PRKAR1B: variants seen among roughly 807,000 people sequenced by gnomAD.
The protein encoded by PRKAR1B is protein kinase cAMP-dependent type I regulatory subunit beta.
PRKAR1B carries 22 observed loss-of-function variants against 46.5 expected under a neutral mutation model. The observed-to-expected ratio is 0.47, with a 90% CI of 0.34 to 0.68. PRKAR1B has a LOEUF of 0.68. PRKAR1B is among the 30% of genes least tolerant of loss of function. The pLI is 0.01. For missense variants in PRKAR1B, 445 were observed against 535.6 expected, an observed-to-expected ratio of 0.83 and a Z score of 1.67; for synonymous variants, 259 against 217.7, an observed-to-expected ratio of 1.19 and a Z score of -1.67.
intron 4 of PRKAR1B, chr7:607,826 A>G: frequency 4.7e-6 from 1 of 214,472 alleles, no homozygotes. Context: ...TACAACCAGC[A>G]ATCTTGATGA....
rs147235371 is a variant in PRKAR1B at position 653,121 on chromosome 7, A to G, written c.440+24108T>C. Among the ~76,000 whole-genome samples the G allele has an allele frequency of 2.1e-4, 32 of 152,260 alleles. No homozygotes were observed. The East Asian group carries it at 6.0e-3, about 28-fold the overall frequency. ...TGCTTCTCCAGCCTCTCCTGGCATC[A>G]CACTTGCTAATGTACCATTGGCCAA... On this transcript the variant is annotated intron_variant, in intron 4 of 10. Transcript: ENST00000537384.
chr7:591,403 C>G (rs1398952284), intron 7 of PRKAR1B, among the ~76,000 whole-genome samples: 1 of 152,196 alleles, frequency 6.6e-6, no homozygotes, highest in Admixed American at 6.5e-5. Context: ...AAGCCCACGG[C>G]ACGGGGAGGG....
At chr7:583,672 A>ACACT (rs549908119) in intron 8 of PRKAR1B, among the ~76,000 whole-genome samples, 8,901 of 134,072 alleles carry the variant, frequency 0.066, 899 homozygotes, top group African/African-American at 0.23. Context: ...ACACACCCAC[A>ACACT]CACAACCCAC....
At chr7:681,326 A>T (rs1363912585) in intron 2 of PRKAR1B, among the ~76,000 whole-genome samples, 1 of 150,844 alleles carries the variant, frequency 6.6e-6, no homozygotes, top group Non-Finnish European at 1.5e-5. Context: ...GTCTCTATAA[A>T]AAAAAAAAAA....
Position 607,442 on chromosome 7 carries a change from C to T in PRKAR1B, c.451G>A (p.Asp151Asn). ...ATGTGAGTGACAGGGAACATGGCAT[C>T]GAATATGTCACTGAAAAGCAAAACA... ...LDDNERSDIFDAMFPVTHIAG... is the reference protein window; with the variant it reads ...LDDNERSDIFNAMFPVTHIAG... Residue 151 changes from aspartate (D) to asparagine (N), a missense_variant, in exon 5 of 11, where the codon GAT becomes AAT. Around this residue, in one of 5 missense-constraint regions of PRKAR1B, gnomAD observed 94 missense variants for 126.9 expected, o/e 0.74. Coordinates refer to ENST00000537384, the MANE Select transcript of PRKAR1B (RefSeq NM_001164760.2). The T allele has an allele frequency of 1.2e-6, 2 of 1,613,884 alleles. No homozygotes were observed. The highest frequency in any genetic ancestry group is 2.2e-5 in the East Asian group (1 of 44,874).
In PRKAR1B at chr7:588,897, A is replaced by ATGG. The variant is rs1238037933; in HGVS notation, c.709-4332_709-4330dup. ...GGTGAGGATAGTGACAGTGGTGGTG[A>ATGG]TGGTGACGGTGGTGATGGTGATGGT... On this transcript the variant is annotated intron_variant, in intron 7 of 10. Coordinates refer to ENST00000537384, the MANE Select transcript of PRKAR1B (RefSeq NM_001164760.2). Among the ~76,000 whole-genome samples, 11 of 9,068 alleles carry ATGG rather than the reference A, an allele frequency of 1.2e-3. 4 individuals are homozygous for ATGG. Among genetic ancestry groups the ATGG allele is most frequent in the Non-Finnish European group, 1.1e-3 (6 of 5,330 alleles). The allele number at this position is 9,068 out of a possible 152,430, so 5.9% of individuals were successfully genotyped here.
At chr7:684,218 G>A (rs1330700621) in intron 2 of PRKAR1B, among the ~76,000 whole-genome samples, 2 of 152,130 alleles carry the variant, frequency 1.3e-5, no homozygotes, top group Non-Finnish European at 2.9e-5. Flanking sequence ...CTCTGCCTGT[G>A]CCAGCCAATT....
At chr7:649,523 A>G (rs1784788188) in intron 4 of PRKAR1B, among the ~76,000 whole-genome samples, 1 of 152,310 alleles carries the variant, frequency 6.6e-6, no homozygotes, top group Non-Finnish European at 1.5e-5. Flanking sequence ...TACATCATTT[A>G]GTGTGTTTTA....
chr7:726,570 C>T (rs1294987373), intron 1 of PRKAR1B: 3 of 517,480 alleles, frequency 5.8e-6, no homozygotes, highest in African/African-American at 2.2e-5. Flanking sequence ...GGACAGCGGG[C>T]GAGCACGACA....
chr7:582,546 G>A (rs1780246136), intron 8 of PRKAR1B, among the ~76,000 whole-genome samples: 1 of 152,278 alleles, frequency 6.6e-6, no homozygotes, highest in South Asian at 2.1e-4. Flanking sequence ...GCATTAATCA[G>A]AGGAACATAA....
At chr7:571,636 C>G (rs1224220075) in intron 9 of PRKAR1B, among the ~76,000 whole-genome samples, 1 of 152,248 alleles carries the variant, frequency 6.6e-6, no homozygotes, top group Non-Finnish European at 1.5e-5. Flanking sequence ...GAATTTCGGT[C>G]TCGGGATTTT....
At chr7:611,592 G>A (rs937207130) in intron 4 of PRKAR1B, among the ~76,000 whole-genome samples, 2 of 152,206 alleles carry the variant, frequency 1.3e-5, no homozygotes, top group African/African-American at 2.4e-5. Flanking sequence ...GATGGCTTCC[G>A]CCTCCCACAG....
In PRKAR1B at chr7:652,506, T is replaced by C. The variant is rs531132632; in HGVS notation, c.440+24723A>G. Among the ~76,000 whole-genome samples the C allele has an allele frequency of 4.2e-3, 420 of 98,938 alleles. 1 individual carries two copies. The highest frequency in any genetic ancestry group is 5.6e-3 in the Non-Finnish European group (264 of 46,812). The allele number at this position is 98,938 out of a possible 152,430, so 64.9% of individuals were successfully genotyped here. On this transcript the variant is annotated intron_variant, in intron 4 of 10. Transcript: ENST00000537384. ...CGGAAGACAGTTCACACCCACACAG[T>C]GCTAGGAACCTGGGGAAACCCCTCT...
intron 9 of PRKAR1B, among the ~76,000 whole-genome samples, chr7:566,432 TCACCATCACCACAACCA>T (rs1779148137): frequency 7.0e-6 from 1 of 142,788 alleles, no homozygotes; most frequent in Admixed American, 7.0e-5. Flanking sequence ...ATCACCACCA[TCACCATCACCACAACCA>T]TCATCACCAT....
At chr7:693,027 C>G (rs1205196137) in intron 2 of PRKAR1B, among the ~76,000 whole-genome samples, 1 of 151,918 alleles carries the variant, frequency 6.6e-6, no homozygotes, top group African/African-American at 2.4e-5. Flanking sequence ...CTCCGCCTCC[C>G]GGTTTCACAC....
intron 2 of PRKAR1B, among the ~76,000 whole-genome samples, chr7:693,545 G>T (rs114294389): frequency 5.3e-5 from 8 of 152,076 alleles, no homozygotes; most frequent in African/African-American, 1.7e-4. Context: ...GGCATTACGT[G>T]TCCCAGGTTC....
At chr7:707,322 A>G (rs557449802) in intron 2 of PRKAR1B, among the ~76,000 whole-genome samples, 1 of 152,140 alleles carries the variant, frequency 6.6e-6, no homozygotes, top group Non-Finnish European at 1.5e-5. Flanking sequence ...TCTTTTCAAC[A>G]TTTTGGCGGA....
At chr7:601,600 C>CA (rs1781598491) in intron 6 of PRKAR1B, among the ~76,000 whole-genome samples, 1 of 152,372 alleles carries the variant, frequency 6.6e-6, no homozygotes, top group South Asian at 2.1e-4. Flanking sequence ...CCCCTGCAGG[C>CA]AGCTCCTGCG....
intron 6 of PRKAR1B, among the ~76,000 whole-genome samples, chr7:597,682 T>C (rs995726646): frequency 6.6e-6 from 1 of 152,096 alleles, no homozygotes; most frequent in African/African-American, 2.4e-5. Flanking sequence ...CTCTTGCTTC[T>C]CAAAGGGGAC....
Sources: gnomAD v4.1 joint callset for allele counts (sites outside exome capture counted in the v4.1 genomes callset) on GRCh38, gnomAD v4.1.1 for gene constraint, gnomAD v4.1.1 regional missense constraint, MANE v1.5 for transcripts, NCBI Gene and HGNC (gene_info 2026-07-23, HGNC 2026-07-21) for gene names.